Variants in CNTNAP2 observed in about 807,000 individuals in gnomAD.
CNTNAP2 encodes the protein contactin associated protein 2, also known as contactin-associated protein-like 2.
CNTNAP2 carries 98 observed loss-of-function variants against 155.2 expected under a neutral mutation model. The ratio of observed to expected loss-of-function variants is 0.63; its 90% CI spans 0.54 to 0.75. The LOEUF is 0.75. CNTNAP2 is among the 30% of genes least tolerant of loss of function. The pLI is 0.00. For synonymous variants in CNTNAP2, 651 were observed against 631.2 expected, an observed-to-expected ratio of 1.03 and a Z score of -0.47; for missense variants, 1,727 against 1,688.1, an observed-to-expected ratio of 1.02 and a Z score of -0.40.
In CNTNAP2 at chr7:147,747,111, T is replaced by C. The variant is rs76389019; in HGVS notation, c.2098+107805T>C. On this transcript the variant is annotated intron_variant, in intron 13 of 23. Transcript: ENST00000361727. ...CAATAATACAGCATTCTGTTAATTC[T>C]ATCCACATGAACTCACCGACCGCCT... Among the ~76,000 whole-genome samples, 339 of 152,362 alleles carry C rather than the reference T, an allele frequency of 2.2e-3. 3 individuals are homozygous for C. The highest frequency in any genetic ancestry group is 7.7e-3 in the African/African-American group (320 of 41,586).
At position 146,564,511 on chromosome 7, in the gene CNTNAP2, A is replaced by G. The variant is rs1010961850; in HGVS notation, c.98-209760A>G. Among the ~76,000 whole-genome samples the G allele has an allele frequency of 4.0e-5, 6 of 149,170 alleles. No individual in the cohort carries two copies. In the South Asian group the frequency reaches 1.3e-3, roughly 31 times the overall value. On this transcript the variant is annotated intron_variant, in intron 1 of 23. Coordinates refer to ENST00000361727, the MANE Select transcript of CNTNAP2 (RefSeq NM_014141.6). ...ATATATAATTATATATTAGAGTTGT[A>G]TATTATATAACAAATATACATTATA...
intron 15 of CNTNAP2, among the ~76,000 whole-genome samples, chr7:147,996,303 G>A (rs2116887701): frequency 6.6e-6 from 1 of 152,280 alleles, no homozygotes; most frequent in South Asian, 2.1e-4. Flanking sequence ...ATTACCTGGG[G>A]TTCTTATCAA....
At chr7:146,227,428 C>CAAAAAAA (rs755623604) in intron 1 of CNTNAP2, among the ~76,000 whole-genome samples, 58 of 58,022 alleles carry the variant, frequency 1.0e-3, no homozygotes, top group African/African-American at 1.9e-3. Flanking sequence ...CTGTCTCAAA[C>CAAAAAAA]AAAAAAAAAA....
intron 1 of CNTNAP2, among the ~76,000 whole-genome samples, chr7:146,742,109 C>G (rs1429779805): frequency 1.3e-5 from 2 of 149,928 alleles, no homozygotes; most frequent in African/African-American, 2.4e-5. Context: ...TGGCAGTGTT[C>G]CAGTGAGCCA....
At chr7:147,667,062 A>G (rs369702053) in intron 13 of CNTNAP2, among the ~76,000 whole-genome samples, 41 of 152,304 alleles carry the variant, frequency 2.7e-4, no homozygotes, top group African/African-American at 9.4e-4. Context: ...TTTGTTCGCA[A>G]TGTTGAAAGA....
At chr7:148,135,657 TG>T (rs549810899) in intron 16 of CNTNAP2, among the ~76,000 whole-genome samples, 386 of 151,650 alleles carry the variant, frequency 2.5e-3, no homozygotes, top group Non-Finnish European at 3.9e-3. Flanking sequence ...CAGAAAAACC[TG>T]GTCAACATGG....
rs1051829660 is a variant in CNTNAP2 at position 147,067,030 on chromosome 7, C to T, written c.550+22976C>T. Among the ~76,000 whole-genome samples, 57 of 152,032 alleles carry T rather than the reference C, an allele frequency of 3.7e-4. 1 individual carries two copies. Among genetic ancestry groups the T allele is most frequent in the South Asian group, 2.1e-4 (1 of 4,820 alleles). On this transcript the variant is annotated intron_variant, in intron 4 of 23. Coordinates refer to ENST00000361727, the MANE Select transcript of CNTNAP2 (RefSeq NM_014141.6). ...GGACTAGGCTGGGCGCATTGGCTGA[C>T]GCCTGTAATCCCAGCACTTTGGGAG...
At position 147,574,237 on chromosome 7, in the gene CNTNAP2, C is replaced by CT. The variant is rs137955230; in HGVS notation, c.1897+11987dup. Among the ~76,000 whole-genome samples, 864 of 152,174 alleles carry CT rather than the reference C, an allele frequency of 5.7e-3. 11 individuals carry two copies. Among genetic ancestry groups the CT allele is most frequent in the African/African-American group, 0.02 (823 of 41,536 alleles). ...TTGTATCCCAAGGATAATAAAACATCTTTTTTTCCCTTCTTTCTTAGTTTT... is the reference window on the plus strand; with the variant it reads ...TTGTATCCCAAGGATAATAAAACATCTTTTTTTTCCCTTCTTTCTTAGTTTT... On this transcript the variant is annotated intron_variant, in intron 12 of 23. Transcript: ENST00000361727.
intron 1 of CNTNAP2, among the ~76,000 whole-genome samples, chr7:146,409,700 A>T (rs1219433053): frequency 1.3e-5 from 2 of 152,174 alleles, no homozygotes; most frequent in Non-Finnish European, 2.9e-5. Flanking sequence ...TAATCACTGC[A>T]TCCTCCTCCC....
At chr7:146,779,863 T>C (rs980831280) in intron 2 of CNTNAP2, among the ~76,000 whole-genome samples, 1 of 152,214 alleles carries the variant, frequency 6.6e-6, no homozygotes, top group Non-Finnish European at 1.5e-5. Context: ...GGTCACATAA[T>C]TAATAATCAC....
chr7:147,644,103 GTTATT>G (rs972735813), intron 13 of CNTNAP2, among the ~76,000 whole-genome samples: 18 of 152,242 alleles, frequency 1.2e-4, no homozygotes, highest in African/African-American at 4.3e-4. Context: ...AAAATAAAAA[GTTATT>G]TTATTTTACG....
intron 9 of CNTNAP2, among the ~76,000 whole-genome samples, chr7:147,307,454 C>T (rs962220196): frequency 3.1e-4 from 46 of 149,082 alleles, no homozygotes; most frequent in African/African-American, 1.1e-3. Flanking sequence ...TGGTGGCACA[C>T]GTGCCTGTAG....
chr7:148,108,628 A>C (rs569766052), intron 15 of CNTNAP2, among the ~76,000 whole-genome samples: 48 of 124,944 alleles, frequency 3.8e-4, no homozygotes, highest in African/African-American at 1.8e-3. Context: ...GCTCTCATGC[A>C]TGAGTGGAAT....
At chr7:146,236,850 A>G (rs1413885059) in intron 1 of CNTNAP2, among the ~76,000 whole-genome samples, 1 of 151,560 alleles carries the variant, frequency 6.6e-6, no homozygotes, top group African/African-American at 2.4e-5. Context: ...CTACTGTGTG[A>G]TTTTCTGTTT....
intron 3 of CNTNAP2, among the ~76,000 whole-genome samples, chr7:146,862,779 G>T (rs555691420): frequency 6.6e-6 from 1 of 152,290 alleles, no homozygotes; most frequent in Admixed American, 6.5e-5. Flanking sequence ...TTGCACTTGT[G>T]TGCAGCCAGA....
intron 13 of CNTNAP2, among the ~76,000 whole-genome samples, chr7:147,721,199 T>C (rs2117027647): frequency 6.6e-6 from 1 of 152,146 alleles, no homozygotes; most frequent in Non-Finnish European, 1.5e-5. Context: ...ATGTTGTTGT[T>C]GTTGTTGTTA....
At chr7:147,949,764 A>C (rs1015832925) in intron 14 of CNTNAP2, among the ~76,000 whole-genome samples, 2 of 152,116 alleles carry the variant, frequency 1.3e-5, no homozygotes, top group Non-Finnish European at 2.9e-5. Flanking sequence ...CCTGGGCTGC[A>C]GGTCAGGAAA....
At chr7:146,699,750 C>A (rs186120068) in intron 1 of CNTNAP2, among the ~76,000 whole-genome samples, 11 of 152,114 alleles carry the variant, frequency 7.2e-5, no homozygotes, top group Admixed American at 2.6e-4. Context: ...GGAGGATCAT[C>A]TGAAATCAGG....
intron 10 of CNTNAP2, among the ~76,000 whole-genome samples, chr7:147,465,461 A>G (rs1447749001): frequency 6.6e-6 from 1 of 152,060 alleles, no homozygotes; most frequent in Non-Finnish European, 1.5e-5. Context: ...TATCTTGGCT[A>G]CTGACATAGA....
Sources: gnomAD v4.1 joint callset for allele counts (sites outside exome capture counted in the v4.1 genomes callset) on GRCh38, gnomAD v4.1.1 for gene constraint, MANE v1.5 for transcripts, NCBI Gene and HGNC (gene_info 2026-07-23, HGNC 2026-07-21) for gene names.